SNTG1: variants seen among roughly 807,000 people sequenced by gnomAD.
SNTG1 encodes gamma-1-syntrophin.
Under a neutral mutation model 74.7 loss-of-function variants are expected in SNTG1, and 39 were observed. The observed-to-expected ratio is 0.52, with a 90% CI of 0.40 to 0.68. The LOEUF is 0.68. Ranked by LOEUF, SNTG1 falls within the 30% of genes least tolerant of loss-of-function variation. The probability of loss-of-function intolerance (pLI) is 0.00; values close to 1 mark genes in which losing one functional copy is unlikely to be tolerated. For missense variants in SNTG1, 685 were observed against 609.5 expected (o/e 1.12, Z -1.30); for synonymous variants, 254 against 217.1 (o/e 1.17, Z -1.49).
chr8:50,334,411 A>C (rs116571652), intron 2 of SNTG1, among the ~76,000 whole-genome samples: 1 of 152,250 alleles, frequency 6.6e-6, no homozygotes, highest in African/African-American at 2.4e-5. Flanking sequence ...TAACAAAAGC[A>C]AGCTGCCTTC....
chr8:50,532,270 G>A lies in SNTG1; in HGVS notation c.549+2011G>A, dbSNP rs563463921. ...CAAAATAAAGTATATTCAAAATAAA[G>A]ACAAAAATCTCAATGCATATCAATT... On this transcript the variant is annotated intron_variant, in intron 10 of 18. Transcript: ENST00000642720. 1.5e-3 allele frequency among the ~76,000 whole-genome samples: 235 copies of A among 152,132 alleles called. 1 individual carries two copies. The highest frequency in any genetic ancestry group is 5.4e-3 in the African/African-American group (226 of 41,508).
chr8:50,641,239 A>G (rs1185590114), intron 13 of SNTG1, among the ~76,000 whole-genome samples: 2 of 152,104 alleles, frequency 1.3e-5, no homozygotes, highest in African/African-American at 4.8e-5. Flanking sequence ...ATTTCTTTTA[A>G]ATACATTTCT....
At chr8:50,625,351 G>A (rs2094949560) in intron 13 of SNTG1, among the ~76,000 whole-genome samples, 1 of 152,156 alleles carries the variant, frequency 6.6e-6, no homozygotes, top group African/African-American at 2.4e-5. Flanking sequence ...CTTTTTGTAA[G>A]CACTGTATTT....
chr8:49,986,576 C>A (rs1813172496), intron 1 of SNTG1, among the ~76,000 whole-genome samples: 1 of 151,992 alleles, frequency 6.6e-6, no homozygotes. Flanking sequence ...AATCCCAGCA[C>A]TTTTGGAGTG....
chr8:49,945,878 T>A (rs1472802045), intron 1 of SNTG1, among the ~76,000 whole-genome samples: 1 of 152,188 alleles, frequency 6.6e-6, no homozygotes. Flanking sequence ...TGCTGGACAA[T>A]AATTCACAAT....
intron 2 of SNTG1, among the ~76,000 whole-genome samples, chr8:50,295,698 T>G (rs1437194691): frequency 1.3e-5 from 2 of 152,104 alleles, no homozygotes; most frequent in African/African-American, 4.8e-5. Context: ...TTAGTTGTTC[T>G]TTAACTGCCA....
chr8:49,922,234 AAATTTCTCTCTC>A (rs1296079267), intron 1 of SNTG1, among the ~76,000 whole-genome samples: 1 of 152,150 alleles, frequency 6.6e-6, no homozygotes, highest in Non-Finnish European at 1.5e-5. Flanking sequence ...TCTGATACTC[AAATTTCTCTCTC>A]AATCACTCAG....
chr8:50,724,404 G>T (rs17785179), intron 17 of SNTG1, among the ~76,000 whole-genome samples: 2,393 of 152,186 alleles, frequency 0.016, 39 homozygotes, highest in Middle Eastern at 0.037. Context: ...AAGTAATGTG[G>T]CCATGCAATT....
At chr8:50,119,471 T>C (rs929874686) in intron 1 of SNTG1, among the ~76,000 whole-genome samples, 2 of 141,662 alleles carry the variant, frequency 1.4e-5, no homozygotes, top group East Asian at 4.0e-4. Context: ...AGAAAAGTTA[T>C]GTTGCAATTC....
chr8:50,317,566 G>T (rs13248969), intron 2 of SNTG1, among the ~76,000 whole-genome samples: 2 of 151,896 alleles, frequency 1.3e-5, no homozygotes, highest in African/African-American at 4.8e-5. Flanking sequence ...TGTATGAAAC[G>T]TGTTAGCACA....
At chr8:50,080,023 C>A (rs760573338) in intron 1 of SNTG1, among the ~76,000 whole-genome samples, 2 of 152,134 alleles carry the variant, frequency 1.3e-5, no homozygotes, top group African/African-American at 4.8e-5. Context: ...ATTGTCTTGG[C>A]CACATGGGCT....
chr8:50,614,628 C>T (rs2094874168), intron 13 of SNTG1, among the ~76,000 whole-genome samples: 1 of 151,842 alleles, frequency 6.6e-6, no homozygotes, highest in African/African-American at 2.4e-5. Context: ...ACAATCATAC[C>T]CACAGAAGCA....
At chr8:50,203,199 A>T (rs983867601) in intron 2 of SNTG1, among the ~76,000 whole-genome samples, 1 of 152,114 alleles carries the variant, frequency 6.6e-6, no homozygotes, top group Non-Finnish European at 1.5e-5. Context: ...CATCAAAGGC[A>T]TGTTTCTGTT....
chr8:50,078,834 T>G (rs750751389), intron 1 of SNTG1, among the ~76,000 whole-genome samples: 1 of 152,218 alleles, frequency 6.6e-6, no homozygotes, highest in Non-Finnish European at 1.5e-5. Context: ...GTTCCTGTGT[T>G]AGTTTGCTAA....
At chr8:50,150,798 C>G in intron 1 of SNTG1, among the ~76,000 whole-genome samples, 1 of 152,134 alleles carries the variant, frequency 6.6e-6, no homozygotes, top group East Asian at 1.9e-4. Context: ...TGATGTGCTG[C>G]TGGATTCGGT....
In SNTG1 at chr8:50,575,452, T is replaced by C. The variant is rs142310230; in HGVS notation, c.811-15427T>C. On this transcript the variant is annotated intron_variant, in intron 12 of 18. Transcript: ENST00000642720. ...TTTCCTCTACATTTGTGGGGTGGCATCTTGAGTGACTGCATAGCATGCCCA... is the reference window on the plus strand; with the variant it reads ...TTTCCTCTACATTTGTGGGGTGGCACCTTGAGTGACTGCATAGCATGCCCA... Among the ~76,000 whole-genome samples, 1,037 of 152,212 alleles carry C rather than the reference T, an allele frequency of 6.8e-3. 12 individuals carry two copies. The highest frequency in any genetic ancestry group is 0.022 in the African/African-American group (930 of 41,532).
intron 13 of SNTG1, among the ~76,000 whole-genome samples, chr8:50,656,503 C>G (rs965084777): frequency 6.6e-6 from 1 of 152,110 alleles, no homozygotes; most frequent in African/African-American, 2.4e-5. Flanking sequence ...GCTTTCTTTA[C>G]TCACTTCAAC....
intron 2 of SNTG1, among the ~76,000 whole-genome samples, chr8:50,231,139 C>T (rs2085602114): frequency 6.6e-6 from 1 of 151,320 alleles, no homozygotes; most frequent in South Asian, 2.1e-4. Flanking sequence ...AAAAATTCAA[C>T]ATCACTAACC....
In SNTG1 at chr8:50,181,686, G is replaced by A. The variant is rs147301927; in HGVS notation, c.-28+9051G>A. Among the ~76,000 whole-genome samples the A allele has an allele frequency of 9.0e-3, 1,370 of 152,218 alleles. 24 individuals carry two copies. The highest frequency in any genetic ancestry group is 0.032 in the African/African-American group (1,317 of 41,540). On this transcript the variant is annotated intron_variant, in intron 2 of 18. Transcript: ENST00000642720. ...TTTTTAACTGTGTAATTGCTAGTATGCATAGAAAAATGATGAGAAAATGAA... is the reference window on the plus strand; with the variant it reads ...TTTTTAACTGTGTAATTGCTAGTATACATAGAAAAATGATGAGAAAATGAA...
Sources: allele counts gnomAD v4.1 joint callset (sites outside exome capture counted in the v4.1 genomes callset), GRCh38; gene constraint gnomAD v4.1.1; transcripts MANE v1.5; gene names NCBI Gene and HGNC (gene_info 2026-07-23, HGNC 2026-07-21).